DCC: variants seen among roughly 807,000 people sequenced by gnomAD.
DCC encodes DCC netrin 1 receptor.
A neutral mutation model predicts 172.5 loss-of-function variants in DCC; 58 were observed. The observed-to-expected ratio is 0.34, with a 90% CI of 0.27 to 0.42. The LOEUF (loss-of-function observed/expected upper bound fraction) is 0.42, where lower values mean the gene tolerates loss of function less well. DCC is among the 10% of genes least tolerant of loss of function. The pLI is 1.00. For synonymous variants in DCC, 709 were observed against 644.5 expected (o/e 1.10, Z -1.52); for missense variants, 1,740 against 1,791.0 (o/e 0.97, Z 0.51).
Position 52,967,168 on chromosome 18 carries a change from T to TA in DCC, c.985+41804dup, listed in dbSNP as rs543848065. Among the ~76,000 whole-genome samples, 47 of 152,306 alleles carry TA rather than the reference T, an allele frequency of 3.1e-4. No individual in the cohort carries two copies. The East Asian group carries it at 5.4e-3, about 18-fold the overall frequency. On this transcript the variant is annotated intron_variant, in intron 5 of 28. Transcript: ENST00000442544. ...AGTAGAATAGCCCAGAAAATGTGGA[T>TA]AAAAAACCACACAATTTATTACTTT...
chr18:53,251,476 G>T (rs1274549346), intron 12 of DCC, among the ~76,000 whole-genome samples: 2 of 151,840 alleles, frequency 1.3e-5, no homozygotes, highest in Non-Finnish European at 2.9e-5. Context: ...AATATGATTT[G>T]TGCATTTATA....
chr18:53,467,494 G>A (rs1308448120), intron 24 of DCC, among the ~76,000 whole-genome samples: 1 of 152,034 alleles, frequency 6.6e-6, no homozygotes, highest in Non-Finnish European at 1.5e-5. Flanking sequence ...AATTAATATA[G>A]TGGAATATTA....
intron 1 of DCC, among the ~76,000 whole-genome samples, chr18:52,511,518 T>C (rs931074571): frequency 3.3e-5 from 5 of 152,098 alleles, no homozygotes; most frequent in African/African-American, 4.8e-5. Flanking sequence ...CCAGGGACAG[T>C]TGGCAATTTC....
At chr18:53,251,098 T>G (rs2056425192) in intron 12 of DCC, among the ~76,000 whole-genome samples, 2 of 151,976 alleles carry the variant, frequency 1.3e-5, no homozygotes, top group Admixed American at 6.6e-5. Flanking sequence ...CTTCGTCTCT[T>G]ACACCATCAT....
chr18:52,599,052 A>G (rs2033965005), intron 1 of DCC, among the ~76,000 whole-genome samples: 2 of 152,196 alleles, frequency 1.3e-5, no homozygotes. Context: ...ATTGGGGATT[A>G]AGTTACAACA....
intron 5 of DCC, among the ~76,000 whole-genome samples, chr18:52,949,452 T>C (rs2040600636): frequency 6.6e-6 from 1 of 152,236 alleles, no homozygotes; most frequent in African/African-American, 2.4e-5. Flanking sequence ...GTTTGAATAC[T>C]CAAGGTTTTA....
rs150331853 is a variant in DCC at position 52,664,104 on chromosome 18, T to C, written c.92-87950T>C. On this transcript the variant is annotated intron_variant, in intron 1 of 28. Transcript: ENST00000442544. Reference sequence around the variant, plus strand: ...AGATAGTTGCTTTATCATTATGGCCTGGAGGTTTAATTTGACATTTACTAT... The same window carrying C: ...AGATAGTTGCTTTATCATTATGGCCCGGAGGTTTAATTTGACATTTACTAT... 1.9e-3 allele frequency among the ~76,000 whole-genome samples: 289 copies of C among 152,364 alleles called. 2 individuals carry two copies. The highest frequency in any genetic ancestry group is 6.6e-3 in the African/African-American group (276 of 41,576).
chr18:53,147,383 C>T (rs538378940), intron 7 of DCC, among the ~76,000 whole-genome samples: 1 of 152,188 alleles, frequency 6.6e-6, no homozygotes, highest in African/African-American at 2.4e-5. Context: ...AGGAAACATG[C>T]TTCGTATACA....
intron 12 of DCC, among the ~76,000 whole-genome samples, chr18:53,302,550 A>G (rs1342768683): frequency 2.0e-5 from 3 of 152,008 alleles, no homozygotes; most frequent in Non-Finnish European, 4.4e-5. Flanking sequence ...GTTGTGTTTT[A>G]AATATTTTTT....
chr18:53,432,102 G>T (rs1020353954), intron 21 of DCC, among the ~76,000 whole-genome samples: 1 of 152,018 alleles, frequency 6.6e-6, no homozygotes, highest in Admixed American at 6.6e-5. Context: ...TTATTTGCAT[G>T]CAGTTCTTTT....
At chr18:52,807,287 A>G (rs2038106232) in intron 2 of DCC, among the ~76,000 whole-genome samples, 1 of 152,162 alleles carries the variant, frequency 6.6e-6, no homozygotes, top group Admixed American at 6.5e-5. Context: ...CTGCCTCTCT[A>G]GCACGGTGAG....
intron 1 of DCC, among the ~76,000 whole-genome samples, chr18:52,588,866 C>CT (rs373655091): frequency 0.079 from 11,536 of 146,060 alleles, 588 homozygotes; most frequent in Non-Finnish European, 0.12. Flanking sequence ...CCAACAGCAT[C>CT]TTTTTTTTTT....
chr18:52,652,439 C>A (rs1043429143), intron 1 of DCC, among the ~76,000 whole-genome samples: 6 of 152,036 alleles, frequency 3.9e-5, no homozygotes, highest in African/African-American at 1.4e-4. Flanking sequence ...TTTTTCAATA[C>A]AGTCATTGGA....
At chr18:52,911,523 C>T (rs1257716943) in intron 3 of DCC, among the ~76,000 whole-genome samples, 1 of 151,996 alleles carries the variant, frequency 6.6e-6, no homozygotes, top group African/African-American at 2.4e-5. Flanking sequence ...GTGTCAGACC[C>T]CATGATATTA....
At chr18:53,049,456 G>A (rs1366271732) in intron 5 of DCC, among the ~76,000 whole-genome samples, 1 of 151,938 alleles carries the variant, frequency 6.6e-6, no homozygotes, top group Admixed American at 6.6e-5. Context: ...TTTCCCCTTT[G>A]CTTGTCATGT....
chr18:52,592,813 G>A (rs1284757227), intron 1 of DCC, among the ~76,000 whole-genome samples: 1 of 152,060 alleles, frequency 6.6e-6, no homozygotes, highest in Non-Finnish European at 1.5e-5. Flanking sequence ...GTGCGTGTGT[G>A]TGTGTATTTT....
At chr18:52,712,936 T>A (rs1268104266) in intron 1 of DCC, among the ~76,000 whole-genome samples, 2 of 152,234 alleles carry the variant, frequency 1.3e-5, no homozygotes, top group Admixed American at 1.3e-4. Context: ...TTTCTGTTGC[T>A]GTTCTTCATT....
At chr18:53,325,644 G>C (rs998136157) in intron 14 of DCC, among the ~76,000 whole-genome samples, 1 of 152,196 alleles carries the variant, frequency 6.6e-6, no homozygotes, top group Non-Finnish European at 1.5e-5. Context: ...ATGCTCATGA[G>C]AGTCTTAATA....
chr18:53,463,127 G>A lies in DCC; in HGVS notation c.3619+3669G>A, dbSNP rs536057325. On this transcript the variant is annotated intron_variant, in intron 24 of 28. Transcript: ENST00000442544. Reference sequence around the variant, plus strand: ...TTTGTTCTTGACTGGATATCAGGGAGGGGAGAGCACCTCCACCTCCCACTG... The same window carrying A: ...TTTGTTCTTGACTGGATATCAGGGAAGGGAGAGCACCTCCACCTCCCACTG... 3.9e-5 allele frequency among the ~76,000 whole-genome samples: 6 copies of A among 152,336 alleles called. No individual in the cohort carries two copies. In the South Asian group the frequency reaches 1.2e-3, roughly 32 times the overall value.
Sources: gnomAD v4.1 joint callset for allele counts (sites outside exome capture counted in the v4.1 genomes callset) on GRCh38, gnomAD v4.1.1 for gene constraint, MANE v1.5 for transcripts, NCBI Gene and HGNC (gene_info 2026-07-23, HGNC 2026-07-21) for gene names.